The following SLC12A8 variants were observed in gnomAD, a reference collection of about 807,000 sequenced individuals.
SLC12A8 encodes the protein cation-chloride cotransporter 9.
A neutral mutation model predicts 75.6 loss-of-function variants in SLC12A8; 69 were observed. The ratio of observed to expected loss-of-function variants is 0.91; its 90% CI spans 0.75 to 1.11. The LOEUF is 1.11. SLC12A8 is among the 50% of genes most tolerant of loss of function. The probability of loss-of-function intolerance (pLI) is 0.00; values close to 1 mark genes in which losing one functional copy is unlikely to be tolerated. For synonymous variants in SLC12A8, 365 were observed against 372.8 expected, an observed-to-expected ratio of 0.98 and a Z score of 0.24; for missense variants, 877 against 896.7, an observed-to-expected ratio of 0.98 and a Z score of 0.28.
At chr3:125,100,451 A>C (rs531405722) in intron 10 of SLC12A8, among the ~76,000 whole-genome samples, 1 of 151,720 alleles carries the variant, frequency 6.6e-6, no homozygotes, top group Non-Finnish European at 1.5e-5. Flanking sequence ...CTTATTGCCC[A>C]GGCTGGAGTG....
chr3:125,085,988 T>A (rs1938450502), intron 13 of SLC12A8, among the ~76,000 whole-genome samples: 1 of 151,704 alleles, frequency 6.6e-6, no homozygotes, highest in Non-Finnish European at 1.5e-5. Flanking sequence ...TACTGAAACC[T>A]CCGCCTCCCG....
intron 13 of SLC12A8, among the ~76,000 whole-genome samples, chr3:125,084,947 T>G (rs17239028): frequency 0.26 from 40,092 of 152,180 alleles, 5,646 homozygotes; most frequent in Non-Finnish European, 0.3. Flanking sequence ...TTCAATTGTT[T>G]GAATATGGAA....
At position 125,088,472 on chromosome 3, in the gene SLC12A8, G is replaced by A. The variant is rs148560368; in HGVS notation, c.1922-102C>T. ...AATGCAAACCCCAATACACACACACGCACAGAATTAACACAAATGTTTTCC... is the reference window on the plus strand; with the variant it reads ...AATGCAAACCCCAATACACACACACACACAGAATTAACACAAATGTTTTCC... On this transcript the variant is annotated intron_variant, in intron 12 of 13. Coordinates refer to ENST00000469902, the MANE Select transcript of SLC12A8 (RefSeq NM_024628.6). 4,400 of 866,250 alleles carry A rather than the reference G, an allele frequency of 5.1e-3. 23 individuals are homozygous for A. Among genetic ancestry groups the A allele is most frequent in the Non-Finnish European group, 6.7e-3 (3,501 of 524,946 alleles). The allele number at this position is 866,250 out of a possible 1,614,324, so 53.7% of individuals were successfully genotyped here.
intron 7 of SLC12A8, among the ~76,000 whole-genome samples, chr3:125,119,618 T>G (rs1932996383): frequency 1.3e-5 from 2 of 152,336 alleles, no homozygotes; most frequent in Middle Eastern, 3.4e-3. Flanking sequence ...TTCTTTTATT[T>G]CCTTCCCAAC....
intron 10 of SLC12A8, among the ~76,000 whole-genome samples, chr3:125,104,749 T>C (rs1938983326): frequency 6.6e-6 from 1 of 152,232 alleles, no homozygotes; most frequent in South Asian, 2.1e-4. Flanking sequence ...CAATGAAATA[T>C]GAGAAGTTGG....
At chr3:125,195,500 T>C (rs572984414) in intron 2 of SLC12A8, among the ~76,000 whole-genome samples, 61 of 152,278 alleles carry the variant, frequency 4.0e-4, no homozygotes, top group African/African-American at 1.3e-3. Flanking sequence ...TTCCTAGAAA[T>C]GTGAGGTCTT....
At chr3:125,151,149 C>T (rs1933910818) in intron 5 of SLC12A8, 1 of 152,102 alleles carries the variant, frequency 6.6e-6, no homozygotes, top group Non-Finnish European at 1.5e-5. Flanking sequence ...TGAACATTAC[C>T]AGGGTTTTCT....
At chr3:125,143,135 C>T (rs1241320781) in intron 5 of SLC12A8, among the ~76,000 whole-genome samples, 1 of 152,168 alleles carries the variant, frequency 6.6e-6, no homozygotes, top group Non-Finnish European at 1.5e-5. Flanking sequence ...TCAAAAGACA[C>T]GCAGAGTCAA....
intron 6 of SLC12A8, chr3:125,125,745 A>T (rs1251458567): frequency 5.9e-6 from 1 of 168,580 alleles, no homozygotes; most frequent in Non-Finnish European, 1.2e-5. Context: ...CTAACCCTCA[A>T]GTTTCCTGAT....
intron 6 of SLC12A8, among the ~76,000 whole-genome samples, chr3:125,127,885 C>CT (rs564408585): frequency 1.4e-4 from 21 of 149,852 alleles, no homozygotes; most frequent in African/African-American, 2.4e-4. Context: ...AATTATAAAA[C>CT]TTTTTTTTTT....
intron 5 of SLC12A8, among the ~76,000 whole-genome samples, chr3:125,175,196 T>A (rs1387625275): frequency 6.6e-6 from 1 of 152,222 alleles, no homozygotes; most frequent in Non-Finnish European, 1.5e-5. Flanking sequence ...ACATATAATC[T>A]CAACAGAAAG....
At chr3:125,198,858 A>G (rs556145708) in intron 2 of SLC12A8, among the ~76,000 whole-genome samples, 11 of 151,452 alleles carry the variant, frequency 7.3e-5, no homozygotes, top group Non-Finnish European at 1.3e-4. Context: ...GCTCACTGCA[A>G]GCTCCACCTC....
intron 10 of SLC12A8, among the ~76,000 whole-genome samples, chr3:125,097,619 C>T (rs112536138): frequency 5.5e-4 from 83 of 151,172 alleles, no homozygotes; most frequent in African/African-American, 1.8e-3. Flanking sequence ...AAGGTTTGTC[C>T]TCTAGGCAGC....
chr3:125,122,349 GTTGTTT>G (rs574877877), intron 6 of SLC12A8, among the ~76,000 whole-genome samples: 9 of 152,018 alleles, frequency 5.9e-5, no homozygotes, highest in Non-Finnish European at 1.0e-4. Flanking sequence ...TTTTGTTGTT[GTTGTTT>G]TTGTTTTTGT....
chr3:125,169,049 A>C (rs999519161), intron 5 of SLC12A8, among the ~76,000 whole-genome samples: 9 of 152,200 alleles, frequency 5.9e-5, no homozygotes, highest in African/African-American at 1.7e-4. Flanking sequence ...TTCAGCTTGG[A>C]GAGGCATGAG....
chr3:125,091,002 C>A (rs1159814683), intron 12 of SLC12A8, among the ~76,000 whole-genome samples: 2 of 152,054 alleles, frequency 1.3e-5, no homozygotes, highest in African/African-American at 4.8e-5. Flanking sequence ...CCTTTATTAT[C>A]TTTTTCTGCC....
At chr3:125,191,485 G>T (rs1177340760) in intron 2 of SLC12A8, among the ~76,000 whole-genome samples, 1 of 151,856 alleles carries the variant, frequency 6.6e-6, no homozygotes. Context: ...TTCTCAGCTG[G>T]GTGGGGTGGG....
At chr3:125,121,753 T>C (rs1933065464) in intron 6 of SLC12A8, among the ~76,000 whole-genome samples, 2 of 152,358 alleles carry the variant, frequency 1.3e-5, no homozygotes, top group South Asian at 4.1e-4. Flanking sequence ...CTGAAAATTA[T>C]GCTCTTAATG....
intron 2 of SLC12A8, among the ~76,000 whole-genome samples, chr3:125,199,823 T>A (rs998857032): frequency 6.6e-6 from 1 of 152,028 alleles, no homozygotes; most frequent in African/African-American, 2.4e-5. Flanking sequence ...AAAAATGGTA[T>A]AAACCTTGAC....
Sources: allele counts gnomAD v4.1 joint callset (sites outside exome capture counted in the v4.1 genomes callset), GRCh38; gene constraint gnomAD v4.1.1; transcripts MANE v1.5; gene names NCBI Gene and HGNC (gene_info 2026-07-23, HGNC 2026-07-21).